Variants in TRAPPC12 observed in about 807,000 individuals in gnomAD.
The protein encoded by TRAPPC12 is trafficking protein particle complex subunit 12.
TRAPPC12 carries 61 observed loss-of-function variants against 69.2 expected under a neutral mutation model. The ratio of observed to expected loss-of-function variants is 0.88; its 90% confidence interval spans 0.72 to 1.09. The LOEUF (loss-of-function observed/expected upper bound fraction) is 1.09, where lower values mean the gene tolerates loss of function less well. Among genes scored for constraint, TRAPPC12 ranks in the 50% least tolerant of loss-of-function variants. The probability of loss-of-function intolerance (pLI) is 0.00; values close to 1 mark genes in which losing one functional copy is unlikely to be tolerated. For synonymous variants in TRAPPC12, 469 were observed against 438.9 expected, an observed-to-expected ratio of 1.07 and a Z score of -0.86; for missense variants, 1,101 against 1,016.4, an observed-to-expected ratio of 1.08 and a Z score of -1.13.
intron 9 of TRAPPC12, 112 bp downstream of exon 9, chr2:3,465,807 T>A (rs1408029776): frequency 1.3e-6 from 1 of 785,506 alleles, no homozygotes; most frequent in Non-Finnish European, 2.2e-6. Flanking sequence ...GCAGAAAATA[T>A]TCCAATTCAA....
intron 3 of TRAPPC12, among the ~76,000 whole-genome samples, chr2:3,408,509 C>T (rs1416880529): frequency 6.6e-6 from 1 of 152,058 alleles, no homozygotes; most frequent in Non-Finnish European, 1.5e-5. Flanking sequence ...CGCCTGTAGT[C>T]CCAGCTACTT....
At position 3,419,574 on chromosome 2, in the gene TRAPPC12, C is replaced by T. The variant is rs923996677; in HGVS notation, c.1165-2307C>T. Among the ~76,000 whole-genome samples, 25 of 151,204 alleles carry T rather than the reference C, an allele frequency of 1.7e-4. 1 individual carries two copies. The highest frequency in any genetic ancestry group is 1.4e-3 in the Admixed American group (21 of 15,188). ...TGGTTCTCTGACTTGGTCCAGTGGC[C>T]GCACACCAGCTAGTGAAGAAAACCA... is the stretch of plus-strand genomic sequence containing the variant. On this transcript the variant is annotated intron_variant, in intron 3 of 11. Coordinates refer to ENST00000324266, the MANE Select transcript of TRAPPC12 (RefSeq NM_016030.6).
chr2:3,479,281 G>C lies in TRAPPC12; in HGVS notation c.2028G>C (p.Gln676His), dbSNP rs766066824. The C allele has an allele frequency of 3.1e-6, 5 of 1,614,162 alleles. No individual in the cohort carries two copies. The highest frequency in any genetic ancestry group is 2.5e-6 in the Non-Finnish European group (3 of 1,180,038). The change falls in exon 12 of 12, where the codon CAG becomes CAC. Residue 676 changes from glutamine to histidine, a missense_variant. By Grantham distance (24) the Gln-to-His change is conservative (BLOSUM62 0). Transcript: ENST00000324266. ...YLGKLKDSLR[Q>H]LEAMVQQDPR... is the part of the protein sequence containing the mutation. ...GCAAGCTCAAGGACTCCCTGCGGCA[G>C]CTGGAGGCCATGGTCCAGCAGGACC...
rs573881421 is a variant in TRAPPC12, at chr2:3,408,971, A to C, written c.1164+7078A>C. Among the ~76,000 whole-genome samples, 16 of 152,300 alleles carry C rather than the reference A, an allele frequency of 1.1e-4. No homozygotes were observed. In the South Asian group the frequency reaches 1.7e-3, roughly 16 times the overall value. On this transcript the variant is annotated intron_variant, in intron 3 of 11. Transcript: ENST00000324266. ...TGCCCTGCGCGGCCCGCTGCGGCAC[A>C]GAGCTATGTGCACCGTGGCTCCTGA...
At chr2:3,458,761 G>A (rs769720395) in intron 7 of TRAPPC12, among the ~76,000 whole-genome samples, 6 of 152,194 alleles carry the variant, frequency 3.9e-5, no homozygotes, top group Non-Finnish European at 8.8e-5. Context: ...GTAGTTATCA[G>A]AGAGCAGAAG....
intron 6 of TRAPPC12, among the ~76,000 whole-genome samples, chr2:3,445,788 C>G (rs1170680464): frequency 6.6e-6 from 1 of 152,254 alleles, no homozygotes; most frequent in Non-Finnish European, 1.5e-5. Context: ...ACCGAGAGTC[C>G]TCTCTTCCAC....
intron 6 of TRAPPC12, among the ~76,000 whole-genome samples, chr2:3,450,882 C>T (rs113364745): frequency 3.3e-5 from 5 of 151,964 alleles, no homozygotes; most frequent in Non-Finnish European, 7.4e-5. Context: ...TGCTCACCCA[C>T]GACCCGTGAC....
chr2:3,395,339 G>A (rs764497266), intron 2 of TRAPPC12, among the ~76,000 whole-genome samples: 45 of 151,504 alleles, frequency 3.0e-4, no homozygotes, highest in Non-Finnish European at 6.2e-4. Flanking sequence ...AACTTCGGAT[G>A]TTTGTCTTAT....
intron 10 of TRAPPC12, 59 bp from the exon 11 acceptor site, chr2:3,478,787 T>C: frequency 6.7e-7 from 1 of 1,492,640 alleles, no homozygotes; most frequent in Middle Eastern, 2.0e-4. Flanking sequence ...GTGGGTTGTG[T>C]TGGGGGACAG....
intron 3 of TRAPPC12, among the ~76,000 whole-genome samples, chr2:3,402,122 A>G (rs192079552): frequency 5.9e-5 from 9 of 152,330 alleles, no homozygotes; most frequent in Non-Finnish European, 1.0e-4. Flanking sequence ...TGATCAAATT[A>G]CTCAAAGCAG....
At chr2:3,399,808 T>TCCCCCCCCC (rs1413817941) in intron 2 of TRAPPC12, among the ~76,000 whole-genome samples, 2 of 136,906 alleles carry the variant, frequency 1.5e-5, no homozygotes, top group Non-Finnish European at 1.6e-5. Flanking sequence ...TTTCCCCCGC[T>TCCCCCCCCC]CCCCCCGCCA....
intron 6 of TRAPPC12, chr2:3,455,282 T>G (rs968656615): frequency 6.6e-6 from 1 of 152,242 alleles, no homozygotes; most frequent in Non-Finnish European, 1.5e-5. Context: ...ATAGGAGATA[T>G]TTTGATACAG....
chr2:3,440,996 T>C (rs1162994878), intron 5 of TRAPPC12, among the ~76,000 whole-genome samples: 1 of 152,236 alleles, frequency 6.6e-6, no homozygotes, highest in Non-Finnish European at 1.5e-5. Context: ...ATACCTGGAA[T>C]AAATTCTGTC....
At chr2:3,395,373 G>T (rs1051654442) in intron 2 of TRAPPC12, among the ~76,000 whole-genome samples, 1 of 151,036 alleles carries the variant, frequency 6.6e-6, no homozygotes, top group Non-Finnish European at 1.5e-5. Flanking sequence ...TAAGAATTCT[G>T]TAAATATCCT....
At chr2:3,463,336 C>G (rs930284868) in intron 8 of TRAPPC12, among the ~76,000 whole-genome samples, 2 of 151,944 alleles carry the variant, frequency 1.3e-5, no homozygotes, top group Non-Finnish European at 2.9e-5. Context: ...GTGTCATGTT[C>G]ACACCTGAGG....
chr2:3,409,001 T>C (rs1661886516), intron 3 of TRAPPC12, among the ~76,000 whole-genome samples: 1 of 152,224 alleles, frequency 6.6e-6, no homozygotes, highest in Non-Finnish European at 1.5e-5. Context: ...TCCTGAGCCC[T>C]GCCCGGCCAG....
At chr2:3,426,973 A>G (rs1663139891) in intron 5 of TRAPPC12, among the ~76,000 whole-genome samples, 1 of 152,168 alleles carries the variant, frequency 6.6e-6, no homozygotes, top group South Asian at 2.1e-4. Flanking sequence ...TTTGAGGGTC[A>G]TCCTTTCCGT....
chr2:3,465,507 C>A lies in TRAPPC12; in HGVS notation c.1678-90C>A, dbSNP rs4971513. On this transcript the variant is annotated intron_variant, in intron 8 of 11. Transcript: ENST00000324266. ...GCGTCAGCGTGTCCTCTCTCTACAC[C>A]GCGTCTGTATACACTTGTGCTCTTC... 1.3e-3 allele frequency: 1,162 copies of A among 881,214 alleles called. 2 individuals carry two copies. Among genetic ancestry groups the A allele is most frequent in the Admixed American group, 1.9e-3 (102 of 54,286 alleles). The allele number at this position is 881,214 out of a possible 1,614,324, so 54.6% of individuals were successfully genotyped here.
At chr2:3,394,974 T>C (rs559973624) in intron 2 of TRAPPC12, among the ~76,000 whole-genome samples, 4 of 152,316 alleles carry the variant, frequency 2.6e-5, no homozygotes, top group African/African-American at 9.6e-5. Flanking sequence ...AGCAAAATAA[T>C]GTTGGGAAAG....
Sources: allele counts gnomAD v4.1 joint callset (sites outside exome capture counted in the v4.1 genomes callset), GRCh38; gene constraint gnomAD v4.1.1; transcripts MANE v1.5; gene names NCBI Gene and HGNC (gene_info 2026-07-23, HGNC 2026-07-21).